The following OSBPL8 variants were observed in gnomAD, a reference collection of about 807,000 sequenced individuals.
OSBPL8 encodes oxysterol binding protein like 8.
Under a neutral mutation model 125.5 loss-of-function variants are expected in OSBPL8, and 59 were observed. That is an observed-to-expected ratio of 0.47 (90% confidence interval 0.38 to 0.58). The LOEUF (loss-of-function observed/expected upper bound fraction) is 0.58, where lower values mean the gene tolerates loss of function less well. Among genes scored for constraint, OSBPL8 ranks in the 20% least tolerant of loss-of-function variants. OSBPL8 has a pLI of 0.00. For missense variants in OSBPL8, 758 were observed against 1,047.8 expected (o/e 0.72, Z 3.82); for synonymous variants, 330 against 338.9 (o/e 0.97, Z 0.29).
chr12:76,470,213 A>T (rs1479088824), intron 2 of OSBPL8, among the ~76,000 whole-genome samples: 1 of 152,224 alleles, frequency 6.6e-6, no homozygotes, highest in African/African-American at 2.4e-5. Flanking sequence ...GCATCTGGTG[A>T]GACTGCTGGC....
intron 8 of OSBPL8, among the ~76,000 whole-genome samples, chr12:76,396,670 C>T (rs923164599): frequency 6.6e-6 from 1 of 152,120 alleles, no homozygotes; most frequent in East Asian, 1.9e-4. Flanking sequence ...GGGAGAACTG[C>T]TTAAGCACGG....
In OSBPL8 at chr12:76,494,876, T is replaced by C. The variant is rs1016659643; in HGVS notation, c.-67-7258A>G. ...TCAAAAAAGAGATCTGAGCTGGAGA[T>C]AAAATTTGGGGAGTTAACATATTGA... On this transcript the variant is annotated intron_variant, in intron 1 of 23. Transcript: ENST00000261183. Among the ~76,000 whole-genome samples, 3 of 152,166 alleles carry C rather than the reference T, an allele frequency of 2.0e-5. No homozygotes were observed. The East Asian group carries it at 5.8e-4, about 29-fold the overall frequency.
At chr12:76,368,255 G>A (rs1040479113) in intron 21 of OSBPL8, among the ~76,000 whole-genome samples, 3 of 152,054 alleles carry the variant, frequency 2.0e-5, no homozygotes, top group African/African-American at 7.2e-5. Context: ...TGGCCCCCAT[G>A]GTTTCTATAA....
intron 2 of OSBPL8, among the ~76,000 whole-genome samples, chr12:76,484,200 TAATTATA>T (rs1244134538): frequency 6.6e-6 from 1 of 152,232 alleles, no homozygotes; most frequent in Admixed American, 6.5e-5. Context: ...TATTTTTTAC[TAATTATA>T]CCCTGAATAA....
At chr12:76,518,240 C>G (rs749568179) in intron 1 of OSBPL8, among the ~76,000 whole-genome samples, 10 of 152,206 alleles carry the variant, frequency 6.6e-5, no homozygotes, top group Non-Finnish European at 1.0e-4. Context: ...GGGCAACAGG[C>G]CACAAGCAAG....
chr12:76,378,043 T>C (rs1042114644), intron 16 of OSBPL8, among the ~76,000 whole-genome samples: 1 of 152,086 alleles, frequency 6.6e-6, no homozygotes, highest in East Asian at 1.9e-4. Context: ...CAAATGAGGG[T>C]GAGAAAAATC....
intron 16 of OSBPL8, among the ~76,000 whole-genome samples, chr12:76,376,233 A>G (rs531589272): frequency 6.6e-6 from 1 of 152,364 alleles, no homozygotes; most frequent in African/African-American, 2.4e-5. Flanking sequence ...TTCTGTGGTT[A>G]AAAGCTGGGG....
chr12:76,488,760 A>G (rs140341142), intron 1 of OSBPL8, among the ~76,000 whole-genome samples: 1 of 152,220 alleles, frequency 6.6e-6, no homozygotes, highest in African/African-American at 2.4e-5. Context: ...TCCATCAGTC[A>G]CAATAATATT....
At chr12:76,556,496 C>G (rs1951104352) in intron 1 of OSBPL8, among the ~76,000 whole-genome samples, 1 of 152,012 alleles carries the variant, frequency 6.6e-6, no homozygotes, top group Non-Finnish European at 1.5e-5. Context: ...AGGGGTTTCC[C>G]ACATACTGCC....
intron 8 of OSBPL8, among the ~76,000 whole-genome samples, chr12:76,395,332 A>G (rs1187069425): frequency 6.6e-6 from 1 of 152,202 alleles, no homozygotes; most frequent in East Asian, 1.9e-4. Context: ...CACCAATGCT[A>G]AACTTAGGTA....
chr12:76,389,784 T>C lies in OSBPL8; in HGVS notation c.1213A>G (p.Ser405Gly). The C allele has an allele frequency of 6.4e-7, 1 of 1,573,948 alleles. No individual in the cohort carries two copies. The highest frequency in any genetic ancestry group is 8.6e-7 in the Non-Finnish European group (1 of 1,159,084). Residue 405 changes from serine (S) to glycine (G), a missense_variant, in exon 12 of 24, where the codon AGC becomes GGC. Around this residue, in one of 3 missense-constraint regions of OSBPL8, gnomAD observed 572 missense variants for 762.0 expected, o/e 0.75. Coordinates refer to ENST00000261183, the MANE Select transcript of OSBPL8 (RefSeq NM_020841.5). The stretch of plus-strand genomic sequence containing the variant: ...TGTTTCAATAGTGTCCAGATAAGGC[T>C]TTTGTTTTCTTCAGATACAGTTTCT... Reference protein sequence around the residue: ...QTETVSEENKSLIWTLLKQVR... With the variant: ...QTETVSEENKGLIWTLLKQVR...
chr12:76,516,597 C>G (rs1001233173), intron 1 of OSBPL8, among the ~76,000 whole-genome samples: 6 of 151,962 alleles, frequency 3.9e-5, no homozygotes, highest in Non-Finnish European at 7.4e-5. Flanking sequence ...ACACAAAGAG[C>G]AGTAATAAAT....
intron 1 of OSBPL8, among the ~76,000 whole-genome samples, chr12:76,557,216 G>A (rs184356602): frequency 1.2e-3 from 182 of 152,212 alleles, no homozygotes; most frequent in African/African-American, 4.2e-3. Context: ...TCAATTCTTT[G>A]TCTTTAATGC....
chr12:76,511,000 G>GA (rs1456639971), intron 1 of OSBPL8, among the ~76,000 whole-genome samples: 1 of 152,074 alleles, frequency 6.6e-6, no homozygotes, highest in Non-Finnish European at 1.5e-5. Flanking sequence ...ATAGCCAAGA[G>GA]AAAATGAAGT....
At chr12:76,524,190 G>A (rs1162384104) in intron 1 of OSBPL8, among the ~76,000 whole-genome samples, 1 of 151,970 alleles carries the variant, frequency 6.6e-6, no homozygotes, top group Non-Finnish European at 1.5e-5. Context: ...TAAGATATAG[G>A]AATAAAAATG....
At chr12:76,469,461 T>C (rs1191820395) in intron 2 of OSBPL8, among the ~76,000 whole-genome samples, 1 of 152,190 alleles carries the variant, frequency 6.6e-6, no homozygotes, top group East Asian at 1.9e-4. Context: ...CTAGCAACAC[T>C]GACTCTGTAC....
chr12:76,421,023 G>A (rs1869408844), intron 4 of OSBPL8, among the ~76,000 whole-genome samples: 1 of 151,848 alleles, frequency 6.6e-6, no homozygotes, highest in African/African-American at 2.4e-5. Flanking sequence ...TGACAATTTT[G>A]CCTTTAACTG....
intron 1 of OSBPL8, chr12:76,537,149 T>C (rs1286266169): frequency 2.6e-5 from 4 of 152,388 alleles, no homozygotes; most frequent in Admixed American, 6.5e-5. Flanking sequence ...TGAAAGCCTT[T>C]ACATTTTGCA....
At chr12:76,550,410 T>C (rs1950902531) in intron 1 of OSBPL8, among the ~76,000 whole-genome samples, 1 of 152,196 alleles carries the variant, frequency 6.6e-6, no homozygotes, top group Admixed American at 6.5e-5. Context: ...ACACTATTTA[T>C]TGGTTTTCAT....
Sources: gnomAD v4.1 joint callset for allele counts (sites outside exome capture counted in the v4.1 genomes callset) on GRCh38, gnomAD v4.1.1 for gene constraint, gnomAD v4.1.1 regional missense constraint, MANE v1.5 for transcripts, NCBI Gene and HGNC (gene_info 2026-07-23, HGNC 2026-07-21) for gene names.